Variants in TMEM108 observed in about 807,000 individuals in gnomAD.
The protein encoded by TMEM108 is transmembrane protein 108, also known as cancer/testis antigen 124.
Under a neutral mutation model 35.1 loss-of-function variants are expected in TMEM108, and 12 were observed. That is an observed-to-expected ratio of 0.34 (90% CI 0.22 to 0.55). The LOEUF (loss-of-function observed/expected upper bound fraction) is 0.55. TMEM108 is among the 20% of genes least tolerant of loss of function. The pLI, the probability that TMEM108 is intolerant of heterozygous loss-of-function variation, is 0.89. For missense variants in TMEM108, 680 were observed against 753.3 expected (o/e 0.90, Z 1.14); for synonymous variants, 287 against 308.6 (o/e 0.93, Z 0.73).
intron 2 of TMEM108, chr3:133,192,921 T>TGTGTGTGCGCGTGTGTGC (rs1419512673): frequency 2.0e-5 from 3 of 151,902 alleles, no homozygotes; most frequent in African/African-American, 7.3e-5. Flanking sequence ...TGTGTGTGTG[T>TGTGTGTGCGCGTGTGTGC]GTGCGCGTGT....
chr3:133,157,676 C>A (rs1211348140), intron 2 of TMEM108, among the ~76,000 whole-genome samples: 1 of 152,148 alleles, frequency 6.6e-6, no homozygotes, highest in African/African-American at 2.4e-5. Flanking sequence ...ATAGCAAGTT[C>A]TCTTGGAGGG....
In TMEM108 at chr3:133,177,888, T is replaced by C. The variant is rs369160603; in HGVS notation, c.-46-51378T>C. On this transcript the variant is annotated intron_variant, in intron 2 of 5. Transcript: ENST00000321871. The stretch of plus-strand genomic sequence containing the variant: ...AAGTCAAATTGTCCCTGTTTGCAGA[T>C]GACATGATTGTATATCTAGAAAACC... 1.1e-4 allele frequency among the ~76,000 whole-genome samples: 16 copies of C among 152,292 alleles called. 1 individual carries two copies. In the South Asian group the frequency reaches 2.7e-3, roughly 26 times the overall value.
At chr3:133,302,887 T>C (rs1200083122) in intron 3 of TMEM108, among the ~76,000 whole-genome samples, 2 of 152,146 alleles carry the variant, frequency 1.3e-5, no homozygotes, top group Admixed American at 6.5e-5. Context: ...AGAAGAGTAG[T>C]TGAAGCCTCA....
intron 2 of TMEM108, among the ~76,000 whole-genome samples, chr3:133,049,176 A>G (rs1407144462): frequency 6.6e-6 from 1 of 152,212 alleles, no homozygotes; most frequent in Admixed American, 6.5e-5. Flanking sequence ...GAACATATAT[A>G]AGCTTTTCTT....
At chr3:133,132,513 ACACT>A (rs982865825) in intron 2 of TMEM108, among the ~76,000 whole-genome samples, 1 of 152,174 alleles carries the variant, frequency 6.6e-6, no homozygotes, top group African/African-American at 2.4e-5. Flanking sequence ...CCCACTGTGG[ACACT>A]CACTGCTCAG....
chr3:133,142,516 G>A (rs1485264097), intron 2 of TMEM108, among the ~76,000 whole-genome samples: 1 of 152,148 alleles, frequency 6.6e-6, no homozygotes, highest in Non-Finnish European at 1.5e-5. Context: ...GGAAGTAGAG[G>A]CAGGAGGCTG....
At chr3:133,273,477 C>T (rs1946800024) in intron 3 of TMEM108, among the ~76,000 whole-genome samples, 1 of 152,150 alleles carries the variant, frequency 6.6e-6, no homozygotes, top group Admixed American at 6.5e-5. Context: ...CCTTCCTTCC[C>T]TTTCTCTCCC....
At chr3:133,287,103 TG>T (rs1946996538) in intron 3 of TMEM108, among the ~76,000 whole-genome samples, 1 of 152,178 alleles carries the variant, frequency 6.6e-6, no homozygotes, top group South Asian at 2.1e-4. Flanking sequence ...AGACCTGCCT[TG>T]GTGCTACTAG....
intron 2 of TMEM108, among the ~76,000 whole-genome samples, chr3:133,057,719 A>G (rs939144748): frequency 6.6e-6 from 1 of 152,242 alleles, no homozygotes; most frequent in African/African-American, 2.4e-5. Flanking sequence ...ATCTATCAGT[A>G]TATTCTTCTC....
At chr3:133,342,555 T>TATATAC (rs60991711) in intron 3 of TMEM108, among the ~76,000 whole-genome samples, 1,188 of 63,458 alleles carry the variant, frequency 0.019, 209 homozygotes, top group African/African-American at 0.051. Flanking sequence ...TATATATATA[T>TATATAC]ACACACACAC....
chr3:133,072,629 G>A (rs927922812), intron 2 of TMEM108, among the ~76,000 whole-genome samples: 1 of 151,944 alleles, frequency 6.6e-6, no homozygotes, highest in Non-Finnish European at 1.5e-5. Flanking sequence ...TTTAAAGCAG[G>A]CCTTCTTTTT....
intron 3 of TMEM108, among the ~76,000 whole-genome samples, chr3:133,370,573 G>A (rs372626026): frequency 6.6e-6 from 1 of 152,092 alleles, no homozygotes; most frequent in Non-Finnish European, 1.5e-5. Context: ...AGGCAGTCTG[G>A]ACTGATGCAT....
chr3:133,389,145 T>C, intron 4 of TMEM108: 1 of 985,792 alleles, frequency 1.0e-6, no homozygotes, highest in African/African-American at 1.7e-5. Context: ...GCAGTGTGAA[T>C]CTGGACAGGC....
chr3:133,142,794 A>G (rs1416446484), intron 2 of TMEM108, among the ~76,000 whole-genome samples: 1 of 152,202 alleles, frequency 6.6e-6, no homozygotes, highest in Non-Finnish European at 1.5e-5. Context: ...ACACTTATTA[A>G]GTTCTCACTA....
chr3:133,149,836 A>G (rs1479320662), intron 2 of TMEM108, among the ~76,000 whole-genome samples: 5 of 152,156 alleles, frequency 3.3e-5, no homozygotes, highest in Non-Finnish European at 5.9e-5. Context: ...GAATATATAT[A>G]TATATGTCTG....
At chr3:133,297,999 G>C (rs1429365880) in intron 3 of TMEM108, among the ~76,000 whole-genome samples, 2 of 152,146 alleles carry the variant, frequency 1.3e-5, no homozygotes, top group South Asian at 4.1e-4. Flanking sequence ...TACCTTGTAA[G>C]TCTCAGATGC....
chr3:133,166,992 G>A (rs1046097995), intron 2 of TMEM108, among the ~76,000 whole-genome samples: 26 of 151,990 alleles, frequency 1.7e-4, no homozygotes, highest in Non-Finnish European at 2.9e-5. Context: ...CTCTGAGCTA[G>A]ACATAAAAGT....
chr3:133,237,785 A>T (rs1051924345), intron 3 of TMEM108, among the ~76,000 whole-genome samples: 1 of 152,166 alleles, frequency 6.6e-6, no homozygotes, highest in Non-Finnish European at 1.5e-5. Flanking sequence ...CATCCTTCTA[A>T]TTTTTTGTGT....
At chr3:133,276,817 A>C (rs1232217680) in intron 3 of TMEM108, among the ~76,000 whole-genome samples, 1 of 152,184 alleles carries the variant, frequency 6.6e-6, no homozygotes, top group Non-Finnish European at 1.5e-5. Flanking sequence ...AGCCTGCATC[A>C]AAAGTGGCTT....
Sources: gnomAD v4.1 joint callset for allele counts (sites outside exome capture counted in the v4.1 genomes callset) on GRCh38, gnomAD v4.1.1 for gene constraint, MANE v1.5 for transcripts, NCBI Gene and HGNC (gene_info 2026-07-23, HGNC 2026-07-21) for gene names.